MGST1: variants seen among roughly 807,000 people sequenced by gnomAD.
The protein encoded by MGST1 is glutathione S-transferase 12.
A neutral mutation model predicts 8.9 loss-of-function variants in MGST1; 5 were observed. The ratio of observed to expected loss-of-function variants is 0.56; its 90% confidence interval spans 0.29 to 1.19. The LOEUF (loss-of-function observed/expected upper bound fraction) is 1.19, where lower values mean the gene tolerates loss of function less well. Among genes scored for constraint, MGST1 ranks in the 50% most tolerant of loss-of-function variants. The pLI is 0.08. For missense variants in MGST1, 182 were observed against 187.4 expected (o/e 0.97, Z 0.17); for synonymous variants, 54 against 67.8 (o/e 0.80, Z 1.00).
At chr12:16,359,020 A>G (rs1460552641) in intron 3 of MGST1, among the ~76,000 whole-genome samples, 1 of 151,912 alleles carries the variant, frequency 6.6e-6, no homozygotes, top group African/African-American at 2.4e-5. Flanking sequence ...ATATTCTGCA[A>G]TTGGTTATGC....
chr12:16,365,953 A>G (rs141543967), downstream of MGST1, among the ~76,000 whole-genome samples: 3 of 152,348 alleles, frequency 2.0e-5, no homozygotes, highest in East Asian at 3.9e-4. Context: ...AAAGATTCAG[A>G]TAACTGAGTT....
intron 4 of MGST1, among the ~76,000 whole-genome samples, chr12:16,481,177 A>G (rs1005712401): frequency 1.3e-5 from 2 of 152,172 alleles, no homozygotes; most frequent in Non-Finnish European, 2.9e-5. Flanking sequence ...ATTAATAATA[A>G]CATCTCTGTC....
rs1591720033 is a variant in MGST1, at chr12:16,410,184, C to T, written n.778+26580C>T. Among the ~76,000 whole-genome samples, 1 of 152,116 alleles carries T rather than the reference C, an allele frequency of 6.6e-6. No individual in the cohort carries two copies. Among genetic ancestry groups the T allele is most frequent in the South Asian group, 2.1e-4 (1 of 4,820 alleles). On this transcript the variant is annotated intron_variant and non_coding_transcript_variant, in intron 1 of 1. Transcript: ENST00000359720. The surrounding 1 kb of genome is among the most constrained non-coding windows in gnomAD (Gnocchi z 4.4). ...GTGGTTATAGTGCTATGCTTACCGT[C>T]ATTTCTCTTTAACTTGGAGATTAGC...
At chr12:16,388,141 A>G (rs142722771) in intron 1 of MGST1, among the ~76,000 whole-genome samples, 1 of 151,990 alleles carries the variant, frequency 6.6e-6, no homozygotes, top group Non-Finnish European at 1.5e-5. Context: ...GGTTTTTGCC[A>G]TAAAAGTGAT....
intron 1 of MGST1, among the ~76,000 whole-genome samples, chr12:16,436,274 A>G (rs1591727567): frequency 6.6e-6 from 1 of 152,108 alleles, no homozygotes; most frequent in East Asian, 1.9e-4. Flanking sequence ...ACTGTGCGTG[A>G]TAAAACAGAC....
At chr12:16,501,233 G>A (rs540563487) in intron 4 of MGST1, among the ~76,000 whole-genome samples, 3 of 152,154 alleles carry the variant, frequency 2.0e-5, no homozygotes, top group East Asian at 1.9e-4. Flanking sequence ...AATAGCAGCC[G>A]TTTAGGAGTA....
intron 4 of MGST1, among the ~76,000 whole-genome samples, chr12:16,538,301 C>T (rs1359845643): frequency 1.3e-5 from 2 of 152,110 alleles, no homozygotes; most frequent in African/African-American, 4.8e-5. Flanking sequence ...AAATCACTAT[C>T]ATCATTTTTG....
In MGST1 at chr12:16,361,320, A is replaced by C. The variant is rs780358995; in HGVS notation, c.222-2475A>C. ...CCAGGTCAGGTGGATGCTGGGATCC[A>C]AGTAATTCTGATCTGAGGGAAGGAG... is the stretch of plus-strand genomic sequence containing the variant. On this transcript the variant is annotated intron_variant, in intron 3 of 3. Transcript: ENST00000396210. The surrounding 1 kb of genome is among the most constrained non-coding windows in gnomAD (Gnocchi z 4.2). Among the ~76,000 whole-genome samples, 1 of 152,186 alleles carries C rather than the reference A, an allele frequency of 6.6e-6. No individual in the cohort carries two copies. Among genetic ancestry groups the C allele is most frequent in the Non-Finnish European group, 1.5e-5 (1 of 68,022 alleles).
At chr12:16,509,814 A>T (rs1321879563) in intron 4 of MGST1, among the ~76,000 whole-genome samples, 2 of 152,108 alleles carry the variant, frequency 1.3e-5, no homozygotes, top group Admixed American at 1.3e-4. Flanking sequence ...CTTTCTCTAG[A>T]TTTCTCAATT....
chr12:16,514,129 T>C, intron 4 of MGST1: 1 of 366,034 alleles, frequency 2.7e-6, no homozygotes, highest in South Asian at 2.5e-5. Flanking sequence ...TACCAAGGCT[T>C]TGCCAGTGGC....
intron 1 of MGST1, among the ~76,000 whole-genome samples, chr12:16,422,248 T>C (rs924830062): frequency 7.2e-5 from 11 of 152,174 alleles, no homozygotes; most frequent in African/African-American, 2.7e-4. Context: ...ATAGTGTGTA[T>C]ATGAATCTAT....
chr12:16,383,212 A>G, exon 1 of MGST1: 1 of 153,426 alleles, frequency 6.5e-6, no homozygotes, highest in Non-Finnish European at 1.5e-5. Context: ...TTGGAAATGC[A>G]GAAATCACCC....
chr12:16,526,914 C>G (rs988962645), intron 4 of MGST1, among the ~76,000 whole-genome samples: 28 of 151,842 alleles, frequency 1.8e-4, no homozygotes, highest in Admixed American at 1.3e-4. Flanking sequence ...CTCCAAAACT[C>G]CCCTCCTCCT....
At chr12:16,541,870 G>A (rs1442174744) in intron 4 of MGST1, among the ~76,000 whole-genome samples, 1 of 152,038 alleles carries the variant, frequency 6.6e-6, no homozygotes, top group Non-Finnish European at 1.5e-5. Context: ...ATCAGGCAGG[G>A]GTTGCTTTTG....
chr12:16,496,994 G>A (rs1173465808), intron 4 of MGST1, among the ~76,000 whole-genome samples: 1 of 152,088 alleles, frequency 6.6e-6, no homozygotes, highest in Admixed American at 6.6e-5. Context: ...CTATTAATTG[G>A]CACTGCTAAA....
rs1447312942 is a variant in MGST1 at position 16,347,799 on chromosome 12, G to C, written c.-23+89G>C. The C allele has an allele frequency of 1.3e-5, 2 of 152,308 alleles. No homozygotes were observed. Among genetic ancestry groups the C allele is most frequent in the Non-Finnish European group, 2.9e-5 (2 of 68,106 alleles). 9.4% of individuals were successfully genotyped at this position (152,308 alleles called of 1,614,324 possible). On this transcript the variant is annotated intron_variant, in intron 1 of 3. Coordinates refer to ENST00000396210, the MANE Select transcript of MGST1 (RefSeq NM_020300.5). This position sits in a 1 kb window ranked among gnomAD's most constrained non-coding sequence, Gnocchi z 4.0. Reference sequence around the variant, plus strand: ...GGGTGGCAGATGGAAGACTTGGGGGGGTCTCTGCCAGCTGGAAGTGCTTGG... The same window carrying C: ...GGGTGGCAGATGGAAGACTTGGGGGCGTCTCTGCCAGCTGGAAGTGCTTGG...
downstream of MGST1, among the ~76,000 whole-genome samples, chr12:16,368,499 T>C (rs188738393): frequency 6.6e-6 from 1 of 152,288 alleles, no homozygotes; most frequent in Non-Finnish European, 1.5e-5. Flanking sequence ...GGGAAGCTGC[T>C]AGGTGTTCCT....
At chr12:16,378,207 A>T (rs963660877), downstream of MGST1, among the ~76,000 whole-genome samples, 1 of 152,170 alleles carries the variant, frequency 6.6e-6, no homozygotes, top group African/African-American at 2.4e-5. Flanking sequence ...TGTTTTAGAC[A>T]TGAAGTCCTT....
intron 1 of MGST1, among the ~76,000 whole-genome samples, chr12:16,427,896 TTTTAA>T (rs1442015997): frequency 6.6e-6 from 1 of 152,154 alleles, no homozygotes; most frequent in East Asian, 1.9e-4. Context: ...TTCTTGAATA[TTTTAA>T]TTTATTACTT....
Sources: gnomAD v4.1 joint callset for allele counts (sites outside exome capture counted in the v4.1 genomes callset) on GRCh38, gnomAD v4.1.1 for gene constraint, Gnocchi (gnomAD v3.1) non-coding constraint, MANE v1.5 for transcripts, NCBI Gene and HGNC (gene_info 2026-07-23, HGNC 2026-07-21) for gene names.